Variants in ACSM3 observed in about 807,000 individuals in gnomAD.
The protein encoded by ACSM3 is acyl-CoA synthetase medium chain family member 3.
A neutral mutation model predicts 74.1 loss-of-function variants in ACSM3; 61 were observed. The observed-to-expected ratio is 0.82, with a 90% confidence interval of 0.67 to 1.02. The LOEUF is 1.02. ACSM3 is among the 50% of genes least tolerant of loss of function. The pLI is 0.00. For missense variants in ACSM3, 660 were observed against 697.0 expected (o/e 0.95, Z 0.60); for synonymous variants, 213 against 241.5 (o/e 0.88, Z 1.09).
rs59184659 is a variant in ACSM3, at chr16:20,753,874, AAG to A, written c.-95-1687_-95-1686del. Among the ~76,000 whole-genome samples, 486 of 150,044 alleles carry A rather than the reference AAG, an allele frequency of 3.2e-3. 16 individuals are homozygous for A. The highest frequency in any genetic ancestry group is 0.01 in the Middle Eastern group (3 of 294). On this transcript the variant is annotated intron_variant, in intron 2 of 3. Transcript: ENST00000561584. ...AAATGAAAAGAAGAAAGAGAAAGAA[AAG>A]AGAGAGAGAGAAAGAAAGAAAGAAA...
chr16:20,769,999 T>C lies in ACSM3; in HGVS notation c.-36T>C. 2 of 1,603,872 alleles carry C rather than the reference T, an allele frequency of 1.2e-6. No individual in the cohort carries two copies. The highest frequency in any genetic ancestry group is 1.7e-6 in the Non-Finnish European group (2 of 1,170,792). On this transcript the variant is annotated 5_prime_UTR_variant, in exon 2 of 14. Transcript: ENST00000289416. ...TGTCTTTTAGATGAACTGGTCTCTG[T>C]GCAAATCCTGAGTGCTAAAGCTTCC... is the stretch of plus-strand genomic sequence containing the variant.
At chr16:20,786,753 A>G (rs1596531733) in intron 9 of ACSM3, among the ~76,000 whole-genome samples, 2 of 152,172 alleles carry the variant, frequency 1.3e-5, no homozygotes, top group African/African-American at 4.8e-5. Context: ...TATTAGAACC[A>G]TTTTACAAAC....
Position 20,790,605 on chromosome 16 carries a change from A to G in ACSM3, c.1243A>G (p.Asn415Asp). The G allele has an allele frequency of 4.3e-6, 7 of 1,614,088 alleles. No individual in the cohort carries two copies. The highest frequency in any genetic ancestry group is 5.9e-6 in the Non-Finnish European group (7 of 1,179,926). The change falls in exon 10 of 14, where the codon AAT becomes GAT. Residue 415 changes from asparagine (N) to aspartate (D), a missense_variant. By Grantham distance (23) the Asn-to-Asp change is conservative. Transcript: ENST00000289416. The surrounding 1 kb of genome is among the most constrained non-coding windows in gnomAD (Gnocchi z 4.0). ...FDVKIVDVNG[N>D]VLPPGQEGDI... is the part of the protein sequence containing the mutation. ...ATCCTAGATTGTAGATGTAAATGGC[A>G]ATGTTCTACCTCCTGGACAAGAAGG... is the stretch of plus-strand genomic sequence containing the variant.
In ACSM3 at chr16:20,776,013, G is replaced by T. The variant is rs757085744; in HGVS notation, c.394G>T (p.Glu132Ter). The stretch of plus-strand genomic sequence containing the variant: ...AATTCTGATTCTGCCCAGGGTCCCA[G>T]AGTGGTGGCTTGCAAATGTGGCCTG... Reference protein sequence around the residue: ...RVILILPRVPEWWLANVACLR... With the variant: ...RVILILPRVP Residue 132 changes from glutamate to a stop codon, truncating the protein, a stop_gained, in exon 3 of 14, where the codon GAG (glutamate) becomes TAG (stop). Transcript: ENST00000289416. LOFTEE classifies it high-confidence loss of function. 16 of 1,614,086 alleles carry T rather than the reference G, an allele frequency of 9.9e-6. No homozygotes were observed. The highest frequency in any genetic ancestry group is 1.4e-5 in the Non-Finnish European group (16 of 1,180,054).
intron 1 of ACSM3, among the ~76,000 whole-genome samples, chr16:20,706,441 C>CA (rs1159307932): frequency 6.6e-6 from 1 of 152,200 alleles, no homozygotes; most frequent in Non-Finnish European, 1.5e-5. Flanking sequence ...GTCCCCCACT[C>CA]ACATTCCCCA....
At chr16:20,746,307 A>T (rs1340650788) in intron 1 of ACSM3, among the ~76,000 whole-genome samples, 1 of 152,158 alleles carries the variant, frequency 6.6e-6, no homozygotes, top group Non-Finnish European at 1.5e-5. Flanking sequence ...TGATGTAAGT[A>T]TCCATCCCTC....
chr16:20,741,445 T>A, intron 1 of ACSM3: 2 of 1,467,460 alleles, frequency 1.4e-6, no homozygotes, highest in African/African-American at 2.8e-5. Flanking sequence ...CAGCCATCCC[T>A]CCACCCTTCC....
At chr16:20,694,213 T>C (rs1241691552) in intron 1 of ACSM3, among the ~76,000 whole-genome samples, 1 of 152,236 alleles carries the variant, frequency 6.6e-6, no homozygotes, top group African/African-American at 2.4e-5. Context: ...AAATACAGAA[T>C]GTGAGGTCCC....
intron 2 of ACSM3, among the ~76,000 whole-genome samples, chr16:20,774,235 GTGTC>G (rs1420746519): frequency 2.1e-5 from 3 of 139,594 alleles, no homozygotes; most frequent in Non-Finnish European, 4.6e-5. Context: ...TTCATTTTCT[GTGTC>G]TTTTTTTTTT....
chr16:20,729,406 C>T, intron 1 of ACSM3: 1 of 1,007,936 alleles, frequency 9.9e-7, no homozygotes, highest in Middle Eastern at 2.1e-4. Flanking sequence ...AGGGGGGGAG[C>T]TCTCCTACTG....
chr16:20,691,331 C>G (rs2079649936), intron 1 of ACSM3: 1 of 648,160 alleles, frequency 1.5e-6, no homozygotes, highest in Admixed American at 3.8e-5. Context: ...ACAGTTATAG[C>G]TTTGTTTCAG....
chr16:20,729,637 T>C (rs906910375), intron 1 of ACSM3: 5 of 237,186 alleles, frequency 2.1e-5, no homozygotes, highest in African/African-American at 9.1e-5. Flanking sequence ...GAACCAAAAG[T>C]GGTCATTTAA....
rs1335349955 is a variant in ACSM3, at chr16:20,781,110, G to A, written c.919G>A (p.Glu307Lys). 1.2e-6 allele frequency: 2 copies of A among 1,613,954 alleles called. No homozygotes were observed. The highest frequency in any genetic ancestry group is 1.7e-6 in the Non-Finnish European group (2 of 1,179,980). Residue 307 changes from glutamate (E) to lysine (K), a missense_variant, in exon 6 of 14, where the codon GAG (glutamate) becomes AAG (lysine). By Grantham distance (56) the Glu-to-Lys change is moderately conservative. Transcript: ENST00000289416. Reference sequence around the variant, plus strand: ...ATTCACACACCATTTACCCCGTTTTGAGCCGACTTCTATCTTGCAAGTAAG... The same window carrying A: ...ATTCACACACCATTTACCCCGTTTTAAGCCGACTTCTATCTTGCAAGTAAG... ...CVFTHHLPRF[E>K]PTSILQTLSK...
In ACSM3 at chr16:20,796,883, C is replaced by T. The variant is rs757886676; in HGVS notation, c.1675-3C>T. ...CTAATTTTCTTCCCCTTGATGCCAA[C>T]AGGTAGAATTTATTCAAGAGCTGCC... On this transcript the variant is annotated splice_region_variant and splice_polypyrimidine_tract_variant and intron_variant, in intron 13 of 13. Coordinates refer to ENST00000289416, the MANE Select transcript of ACSM3 (RefSeq NM_005622.4). The T allele has an allele frequency of 6.2e-7, 1 of 1,610,542 alleles. No individual in the cohort carries two copies. The highest frequency in any genetic ancestry group is 8.5e-7 in the Non-Finnish European group (1 of 1,178,862).
intron 8 of ACSM3, 102 bp from the exon 9 acceptor site, chr16:20,785,976 A>G: frequency 2.7e-6 from 2 of 734,950 alleles, no homozygotes; most frequent in Non-Finnish European, 4.3e-6. Context: ...AGCCTAGTTC[A>G]TAGTAAGTTT....
chr16:20,689,540 A>G (rs529929565), intron 1 of ACSM3, among the ~76,000 whole-genome samples: 2 of 152,200 alleles, frequency 1.3e-5, no homozygotes, highest in African/African-American at 4.8e-5. Context: ...AAAAAATCCA[A>G]CTACATGCTG....
At chr16:20,777,648 C>A (rs2080272245) in intron 4 of ACSM3, 68 bp downstream of exon 4, 3 of 1,376,566 alleles carry the variant, frequency 2.2e-6, no homozygotes, top group Non-Finnish European at 3.0e-6. Flanking sequence ...GATATTAAAC[C>A]CAGCAGTGAT....
chr16:20,677,975 T>G (rs2079342253), intron 1 of ACSM3, among the ~76,000 whole-genome samples: 1 of 148,702 alleles, frequency 6.7e-6, no homozygotes, highest in Non-Finnish European at 1.5e-5. Flanking sequence ...AGAGATGCAC[T>G]GCAAGGGGCA....
At chr16:20,725,927 C>G (rs542354937) in intron 1 of ACSM3, among the ~76,000 whole-genome samples, 2 of 151,990 alleles carry the variant, frequency 1.3e-5, no homozygotes, top group Admixed American at 6.6e-5. Context: ...GAGCCAAGAT[C>G]GCGCCACTGC....
Sources: allele counts gnomAD v4.1 joint callset (sites outside exome capture counted in the v4.1 genomes callset), GRCh38; gene constraint gnomAD v4.1.1; non-coding constraint Gnocchi (gnomAD v3.1); transcripts MANE v1.5; gene names NCBI Gene and HGNC (gene_info 2026-07-23, HGNC 2026-07-21).